Variants in HUWE1 observed in about 807,000 individuals in gnomAD.
The protein encoded by HUWE1 is HECT, UBA and WWE domain containing E3 ubiquitin protein ligase 1.
A neutral mutation model predicts 299.4 loss-of-function variants in HUWE1; 18 were observed. That is an observed-to-expected ratio of 0.06 (90% CI 0.04 to 0.09). The LOEUF (loss-of-function observed/expected upper bound fraction) is 0.09. Among genes scored for constraint, HUWE1 ranks in the 10% least tolerant of loss-of-function variants. The pLI, the probability that HUWE1 is intolerant of heterozygous loss-of-function variation, is 1.00. For synonymous variants in HUWE1, 1,317 were observed against 1,286.1 expected, an observed-to-expected ratio of 1.02 and a Z score of -0.51; for missense variants, 1,832 against 3,462.3, an observed-to-expected ratio of 0.53 and a Z score of 11.82.
In HUWE1 at chrX:53,619,137, C is replaced by T. The variant is rs1164530543; in HGVS notation, c.1673-1691G>A. On this transcript the variant is annotated intron_variant, in intron 19 of 83. Coordinates refer to ENST00000262854, the MANE Select transcript of HUWE1 (RefSeq NM_031407.7). ...ATTCAAGATGGTGAATACAGCATCT[C>T]TCCTTTATCCCAAATGCTAGGGGAA... Among the ~76,000 whole-genome samples the T allele has an allele frequency of 2.7e-5, 3 of 111,481 alleles. No individual in the cohort carries two copies. In the East Asian group the frequency reaches 8.4e-4, roughly 31 times the overall value.
intron 3 of HUWE1, among the ~76,000 whole-genome samples, chrX:53,674,963 G>A (rs896503109): frequency 5.4e-5 from 6 of 111,886 alleles, no homozygotes; most frequent in African/African-American, 1.3e-4. Flanking sequence ...TACTTTACAA[G>A]CATTTAAAAA....
intron 23 of HUWE1, 93 bp downstream of exon 23, chrX:53,614,441 G>T: frequency 1.5e-6 from 1 of 669,792 alleles, no homozygotes. Flanking sequence ...CAACTCTCTT[G>T]CTTTTTATAG....
chrX:53,642,277 A>G (rs782364653), intron 7 of HUWE1, among the ~76,000 whole-genome samples: 2 of 111,955 alleles, frequency 1.8e-5, no homozygotes, highest in African/African-American at 3.2e-5. Flanking sequence ...TCTTGAAACT[A>G]TATGTTGCAT....
chrX:53,621,575 G>GT (rs1334968786), intron 19 of HUWE1, among the ~76,000 whole-genome samples: 1 of 106,570 alleles, frequency 9.4e-6, no homozygotes, highest in Non-Finnish European at 1.9e-5. Flanking sequence ...AACTGCCCTT[G>GT]TAACTGCCCC....
chrX:53,544,072 G>C, intron 72 of HUWE1, 104 bp from the exon 73 acceptor site: 2 of 731,858 alleles, frequency 2.7e-6, no homozygotes, highest in African/African-American at 4.2e-5. Flanking sequence ...ATCTTGCTGA[G>C]GTCTTTTGAG....
intron 4 of HUWE1, among the ~76,000 whole-genome samples, chrX:53,653,591 CAAGTT>C (rs1294040625): frequency 8.9e-6 from 1 of 112,136 alleles, no homozygotes; most frequent in African/African-American, 3.2e-5. Flanking sequence ...ACCCAATACA[CAAGTT>C]AAGCTGAATT....
intron 77 of HUWE1, among the ~76,000 whole-genome samples, 194 bp from the exon 78 acceptor site, chrX:53,537,890 C>A (rs1311490573): frequency 1.8e-5 from 2 of 111,211 alleles, no homozygotes; most frequent in African/African-American, 6.5e-5. Flanking sequence ...ATTTTTCTTA[C>A]CTCCACTGAG....
chrX:53,634,716 CGCACTAGGGAGGAAA>C (rs1308642009), intron 7 of HUWE1, among the ~76,000 whole-genome samples: 63 of 112,727 alleles, frequency 5.6e-4, no homozygotes, highest in Middle Eastern at 4.6e-3. Context: ...ACTCACCTTC[CGCACTAGGGAGGAAA>C]GCACTAGGGA....
chrX:53,671,137 G>A (rs1557049199), intron 3 of HUWE1, among the ~76,000 whole-genome samples: 1 of 111,311 alleles, frequency 9.0e-6, no homozygotes, highest in Non-Finnish European at 1.9e-5. Context: ...GGGAAAGGAT[G>A]GGAAAGGGGT....
intron 17 of HUWE1, among the ~76,000 whole-genome samples, chrX:53,626,203 G>A (rs1238447937): frequency 2.2e-5 from 2 of 91,138 alleles, no homozygotes; most frequent in Non-Finnish European, 4.3e-5. Flanking sequence ...GTATTAATAC[G>A]TACATACATA....
intron 2 of HUWE1, among the ~76,000 whole-genome samples, chrX:53,681,349 G>A (rs1266169069): frequency 5.6e-5 from 6 of 107,032 alleles, no homozygotes; most frequent in Non-Finnish European, 1.2e-4. Context: ...CAGGTAAATC[G>A]CTTGAACCCA....
intron 17 of HUWE1, chrX:53,626,173 A>C: frequency 3.5e-6 from 1 of 285,491 alleles, no homozygotes; most frequent in African/African-American, 2.9e-5. Context: ...CCCAAAATGA[A>C]AATATATCAC....
chrX:53,549,394 G>T lies in HUWE1; in HGVS notation c.9600C>A (p.Leu3200=). Residue 3200 remains leucine, a synonymous_variant, in exon 67 of 84, where the codon CTC becomes CTA. Coordinates refer to ENST00000262854, the MANE Select transcript of HUWE1 (RefSeq NM_031407.7). ...GTACTCGGTGTAGACGGCTAGTATTGAGCTTTGGCTCATCCACAAAAAGTA... is the reference window on the plus strand; with the variant it reads ...GTACTCGGTGTAGACGGCTAGTATTTAGCTTTGGCTCATCCACAAAAAGTA... ...LVLLFVDEPK[L]NTSRLHRVLR... is the part of the protein sequence containing the mutation. The T allele has an allele frequency of 8.3e-7, 1 of 1,211,360 alleles. No homozygotes were observed. The highest frequency in any genetic ancestry group is 1.1e-6 in the Non-Finnish European group (1 of 895,279).
chrX:53,540,360 G>A (rs782201825), intron 74 of HUWE1, among the ~76,000 whole-genome samples: 2 of 105,614 alleles, frequency 1.9e-5, no homozygotes, highest in South Asian at 8.4e-4. Flanking sequence ...AGACAGTCTC[G>A]TTCTGTCGCC....
intron 2 of HUWE1, among the ~76,000 whole-genome samples, chrX:53,682,538 A>C (rs1279257513): frequency 9.0e-6 from 1 of 110,919 alleles, no homozygotes; most frequent in African/African-American, 3.3e-5. Context: ...AACAGGGCAG[A>C]CTGGGGGGCA....
intron 25 of HUWE1, 146 bp downstream of exon 25, chrX:53,607,377 A>C: frequency 2.0e-6 from 1 of 499,243 alleles, no homozygotes; most frequent in Non-Finnish European, 3.4e-6. Flanking sequence ...ACTATATATT[A>C]GTCACAAAAT....
chrX:53,545,283 G>A (rs1602550610), intron 70 of HUWE1, 122 bp from the exon 71 acceptor site: 1 of 707,266 alleles, frequency 1.4e-6, no homozygotes, highest in Non-Finnish European at 2.2e-6. Context: ...AGAACCTAGA[G>A]TGAGCTGGAA....
Position 53,672,949 on chromosome X carries a change from C to T in HUWE1, c.-25+7100G>A, listed in dbSNP as rs782037866. ...TTGTCTGTTTATCTGTATTTTTCAA[C>T]AATAAGCCATGTATAATTCTACAGT... On this transcript the variant is annotated intron_variant, in intron 3 of 83. Coordinates refer to ENST00000262854, the MANE Select transcript of HUWE1 (RefSeq NM_031407.7). Among the ~76,000 whole-genome samples the T allele has an allele frequency of 2.5e-4, 28 of 111,632 alleles. No individual in the cohort carries two copies. In the Middle Eastern group the frequency reaches 0.023, roughly 92 times the overall value.
intron 3 of HUWE1, among the ~76,000 whole-genome samples, chrX:53,663,929 T>C (rs1385193400): frequency 9.0e-6 from 1 of 111,048 alleles, no homozygotes; most frequent in Non-Finnish European, 1.9e-5. Flanking sequence ...TATTAGTAGT[T>C]GGCCTTTAAT....
Sources: allele counts gnomAD v4.1 joint callset (sites outside exome capture counted in the v4.1 genomes callset), GRCh38; gene constraint gnomAD v4.1.1; transcripts MANE v1.5; gene names NCBI Gene and HGNC (gene_info 2026-07-23, HGNC 2026-07-21).